Variants in PCDHGA8 observed in about 807,000 individuals in gnomAD.
PCDHGA8 encodes protocadherin gamma-A8.
PCDHGA8 carries 45 observed loss-of-function variants against 59.2 expected under a neutral mutation model. The ratio of observed to expected loss-of-function variants is 0.76; its 90% CI spans 0.60 to 0.98. The LOEUF (loss-of-function observed/expected upper bound fraction) is 0.98, where lower values mean the gene tolerates loss of function less well. Among genes scored for constraint, PCDHGA8 ranks in the 50% least tolerant of loss-of-function variants. The pLI is 0.00. For missense variants in PCDHGA8, 1,257 were observed against 1,196.2 expected, an observed-to-expected ratio of 1.05 and a Z score of -0.75; for synonymous variants, 531 against 519.0, an observed-to-expected ratio of 1.02 and a Z score of -0.32.
chr5:141,441,752 C>T, intron 1 of PCDHGA8: 2 of 378,086 alleles, frequency 5.3e-6, no homozygotes, highest in Non-Finnish European at 1.1e-5. Context: ...TCGGCGTCAA[C>T]GTGAGCCTGC....
chr5:141,465,761 G>A (rs1040750106), intron 1 of PCDHGA8, among the ~76,000 whole-genome samples: 2 of 151,634 alleles, frequency 1.3e-5, no homozygotes, highest in African/African-American at 4.8e-5. Flanking sequence ...GTAAAGTCAT[G>A]TTTCATCTCT....
chr5:141,494,736 T>A, intron 1 of PCDHGA8, 71 bp from the exon 2 acceptor site: 2 of 1,611,858 alleles, frequency 1.2e-6, no homozygotes, highest in Non-Finnish European at 1.7e-6. Flanking sequence ...TCCCGGCCCA[T>A]CCCTAGGGGC....
intron 1 of PCDHGA8, chr5:141,405,443 A>G (rs2154536495): frequency 7.2e-7 from 1 of 1,381,938 alleles, no homozygotes; most frequent in Non-Finnish European, 1.0e-6. Flanking sequence ...TTTTTGAGAC[A>G]GAGTCTTACT....
intron 1 of PCDHGA8, chr5:141,412,489 T>C (rs1292155082): frequency 6.6e-6 from 1 of 152,176 alleles, no homozygotes; most frequent in East Asian, 1.9e-4. Context: ...TCTTACACAA[T>C]CCTAAGCTAA....
chr5:141,476,336 C>G lies in PCDHGA8; in HGVS notation c.2425-18471C>G, dbSNP rs1228900349. The G allele has an allele frequency of 2.5e-6, 4 of 1,614,008 alleles. No individual in the cohort carries two copies. The highest frequency in any genetic ancestry group is 2.2e-5 in the East Asian group (1 of 44,854). ...GTTCCGGGTGGTGTCTGGAGCTAGC[C>G]GAAGATTCTTTGAGGTGAACCGGGA... On this transcript the variant is annotated intron_variant, in intron 1 of 3. Coordinates refer to ENST00000398604, the MANE Select transcript of PCDHGA8 (RefSeq NM_032088.2). The surrounding 1 kb of genome is among the most constrained non-coding windows in gnomAD (Gnocchi z 7.6).
chr5:141,417,969 T>G, intron 1 of PCDHGA8: 1 of 1,613,768 alleles, frequency 6.2e-7, no homozygotes, highest in Non-Finnish European at 8.5e-7. Flanking sequence ...CGCTACTCGA[T>G]TCCGGAGGAG....
Position 141,489,517 on chromosome 5 carries a change from G to C in PCDHGA8, c.2425-5290G>C. The C allele has an allele frequency of 6.2e-7, 1 of 1,614,136 alleles. No individual in the cohort carries two copies. Among genetic ancestry groups the C allele is most frequent in the Non-Finnish European group, 8.5e-7 (1 of 1,180,044 alleles). On this transcript the variant is annotated intron_variant, in intron 1 of 3. Transcript: ENST00000398604. The surrounding 1 kb of genome is among the most constrained non-coding windows in gnomAD (Gnocchi z 4.5). ...GGCAGTGAATCAAAAGATTGACCGA[G>C]AAAGCCTATGTGGAGCCAGCACCAG...
chr5:141,415,552 G>T (rs1244457142), intron 1 of PCDHGA8: 3 of 1,613,980 alleles, frequency 1.9e-6, no homozygotes, highest in African/African-American at 2.7e-5. Flanking sequence ...TGAGAAAAAC[G>T]ATCCTTTGTC....
At chr5:141,421,895 G>C in intron 1 of PCDHGA8, 1 of 1,613,730 alleles carries the variant, frequency 6.2e-7, no homozygotes, top group Non-Finnish European at 8.5e-7. Context: ...GATCCCATCC[G>C]AAAGGGCGCA....
At chr5:141,415,114 G>T in intron 1 of PCDHGA8, 5 of 1,613,648 alleles carry the variant, frequency 3.1e-6, no homozygotes, top group Non-Finnish European at 4.2e-6. Flanking sequence ...GCAAAGCCTC[G>T]TAGTGGCCGT....
chr5:141,418,439 T>C (rs1284999606), intron 1 of PCDHGA8: 1 of 1,613,812 alleles, frequency 6.2e-7, no homozygotes, highest in Non-Finnish European at 8.5e-7. Flanking sequence ...ATATCCAGAA[T>C]TAGTATTGCA....
chr5:141,504,786 C>T (rs568185327), intron 2 of PCDHGA8, among the ~76,000 whole-genome samples: 1 of 152,132 alleles, frequency 6.6e-6, no homozygotes, highest in Non-Finnish European at 1.5e-5. Flanking sequence ...TCTCTTGGGG[C>T]CTCCTACATC....
At chr5:141,404,910 CT>C (rs1185141572) in intron 1 of PCDHGA8, 10 of 1,613,936 alleles carry the variant, frequency 6.2e-6, no homozygotes, top group Non-Finnish European at 8.5e-6. Flanking sequence ...GGCCAGCCCC[CT>C]CTCTCGGCCA....
At chr5:141,448,999 G>GT (rs910018882) in intron 1 of PCDHGA8, among the ~76,000 whole-genome samples, 19 of 151,698 alleles carry the variant, frequency 1.3e-4, no homozygotes, top group South Asian at 2.1e-4. Flanking sequence ...ATAGAAAGCT[G>GT]TTTTTTTTAA....
At chr5:141,413,198 C>T in intron 1 of PCDHGA8, 5 of 1,611,416 alleles carry the variant, frequency 3.1e-6, no homozygotes, top group Non-Finnish European at 2.5e-6. Flanking sequence ...AGGAATCGCT[C>T]AAAGGAATCA....
At chr5:141,405,420 T>A in intron 1 of PCDHGA8, 1 of 1,509,592 alleles carries the variant, frequency 6.6e-7, no homozygotes, top group Non-Finnish European at 9.0e-7. Flanking sequence ...TTTTTGTTTT[T>A]TGTTTTGTTT....
chr5:141,459,084 A>T (rs2098960410), intron 1 of PCDHGA8, among the ~76,000 whole-genome samples: 2 of 152,204 alleles, frequency 1.3e-5, no homozygotes, highest in Non-Finnish European at 2.9e-5. Flanking sequence ...TGCCTTTTAA[A>T]ATTATACAGT....
rs145569377 is a variant in PCDHGA8 at position 141,455,860 on chromosome 5, ATTATTTATTTATTTAT to A, written c.2425-38908_2425-38893del. Among the ~76,000 whole-genome samples, 551 of 139,848 alleles carry A rather than the reference ATTATTTATTTATTTAT, an allele frequency of 3.9e-3. 2 individuals carry two copies. The highest frequency in any genetic ancestry group is 9.7e-3 in the South Asian group (42 of 4,344). The allele number at this position is 139,848 out of a possible 152,430, so 91.7% of individuals were successfully genotyped here. ...CTATCTGCATAAAATAATTTCTTTTATTATTTATTTATTTATTTATTTATTTATTTATTTATTTATT... is the reference window on the plus strand; with the variant it reads ...CTATCTGCATAAAATAATTTCTTTTATTATTTATTTATTTATTTATTTATT... On this transcript the variant is annotated intron_variant, in intron 1 of 3. Transcript: ENST00000398604.
intron 1 of PCDHGA8, chr5:141,409,571 TA>T: frequency 6.2e-7 from 1 of 1,613,932 alleles, no homozygotes; most frequent in Non-Finnish European, 8.5e-7. Flanking sequence ...CCAGACGTCC[TA>T]CGTGGTCCAC....
Sources: gnomAD v4.1 joint callset for allele counts (sites outside exome capture counted in the v4.1 genomes callset) on GRCh38, gnomAD v4.1.1 for gene constraint, Gnocchi (gnomAD v3.1) non-coding constraint, MANE v1.5 for transcripts, NCBI Gene and HGNC (gene_info 2026-07-23, HGNC 2026-07-21) for gene names.